Variants in CFAP54 observed in about 807,000 individuals in gnomAD.
The protein encoded by CFAP54 is cilia- and flagella-associated protein 54.
A neutral mutation model predicts 370.4 loss-of-function variants in CFAP54; 290 were observed. The observed-to-expected ratio is 0.78, with a 90% CI of 0.71 to 0.86. The LOEUF (loss-of-function observed/expected upper bound fraction) is 0.86. CFAP54 is among the 40% of genes least tolerant of loss of function. The pLI is 0.00. For missense variants in CFAP54, 3,399 were observed against 3,528.7 expected (o/e 0.96, Z 0.93); for synonymous variants, 1,206 against 1,236.5 (o/e 0.98, Z 0.52).
chr12:96,601,412 A>G (rs980612678), intron 26 of CFAP54, among the ~76,000 whole-genome samples: 2 of 152,202 alleles, frequency 1.3e-5, no homozygotes, highest in Non-Finnish European at 2.9e-5. Context: ...ATGGCCTGAA[A>G]TTCTCTTTTT....
intron 63 of CFAP54, among the ~76,000 whole-genome samples, chr12:96,803,337 C>A (rs1958842476): frequency 6.6e-6 from 1 of 152,068 alleles, no homozygotes; most frequent in African/African-American, 2.4e-5. Context: ...CTGTTGTTTC[C>A]TGACTTTTTG....
chr12:96,684,648 A>T lies in CFAP54; in HGVS notation c.5717A>T (p.Asp1906Val), dbSNP rs903537506. ...LLSLFLAQTQ[D>V]VLQASNQRSL... is the part of the protein sequence containing the mutation. The stretch of plus-strand genomic sequence containing the variant: ...TTCTTTTACTTGATTAAAAATATAG[A>T]TGTTCTCCAAGCCAGCAATCAAAGA... Residue 1906 changes from aspartate to valine, a missense_variant and splice_region_variant, in exon 41 of 68, where the codon GAT becomes GTT. Coordinates refer to ENST00000524981, the MANE Select transcript of CFAP54 (RefSeq NM_001306084.2). The T allele has an allele frequency of 1.2e-6, 2 of 1,606,486 alleles. No individual in the cohort carries two copies. Among genetic ancestry groups the T allele is most frequent in the East Asian group, 2.2e-5 (1 of 44,834 alleles).
At chr12:96,600,464 T>C (rs1012138247) in intron 26 of CFAP54, among the ~76,000 whole-genome samples, 2 of 152,238 alleles carry the variant, frequency 1.3e-5, no homozygotes, top group African/African-American at 2.4e-5. Context: ...GTCTTGGCTA[T>C]GTGGACTCTT....
chr12:96,540,903 G>T lies in CFAP54; in HGVS notation c.1993G>T (p.Val665Leu). 1 of 1,519,582 alleles carries T rather than the reference G, an allele frequency of 6.6e-7. No homozygotes were observed. The highest frequency in any genetic ancestry group is 8.8e-7 in the Non-Finnish European group (1 of 1,139,532). The allele number at this position is 1,519,582 out of a possible 1,614,324, so 94.1% of individuals were successfully genotyped here. ...CTATAAAATGGAAGACATTGACATTGTGGTAGTGGCAGAAGTCACATTACG... is the reference window on the plus strand; with the variant it reads ...CTATAAAATGGAAGACATTGACATTTTGGTAGTGGCAGAAGTCACATTACG... ...HCYKMEDIDI[V>L]VVAEVTLRLS... The change falls in exon 14 of 68, where the codon GTG (valine) becomes TTG (leucine). Residue 665 changes from valine (V) to leucine (L), a missense_variant. Transcript: ENST00000524981.
intron 32 of CFAP54, among the ~76,000 whole-genome samples, chr12:96,641,341 T>C (rs1011638784): frequency 9.9e-5 from 15 of 152,214 alleles, no homozygotes; most frequent in African/African-American, 3.6e-4. Flanking sequence ...TCATCATCAC[T>C]AGCCATCAGA....
At position 96,673,551 on chromosome 12, in the gene CFAP54, G is replaced by C. The variant is rs78297925; in HGVS notation, c.5564-6049G>C. Among the ~76,000 whole-genome samples, 636 of 152,212 alleles carry C rather than the reference G, an allele frequency of 4.2e-3. 5 individuals are homozygous for C. Among genetic ancestry groups the C allele is most frequent in the African/African-American group, 0.015 (607 of 41,542 alleles). On this transcript the variant is annotated intron_variant, in intron 39 of 67. Transcript: ENST00000524981. ...TAAGATTTTAGGACCTCTGTTATTG[G>C]GAATGTTTTTTGGTCTATGCTCTTG...
chr12:96,636,466 C>T (rs1956665330), intron 32 of CFAP54, among the ~76,000 whole-genome samples: 1 of 152,140 alleles, frequency 6.6e-6, no homozygotes, highest in African/African-American at 2.4e-5. Context: ...TCTATAGTTA[C>T]ATCCTGTGTT....
intron 38 of CFAP54, among the ~76,000 whole-genome samples, chr12:96,661,976 GC>G (rs1956999633): frequency 6.6e-6 from 1 of 152,106 alleles, no homozygotes; most frequent in Non-Finnish European, 1.5e-5. Flanking sequence ...AGACATCCCT[GC>G]CTCCTCTCTT....
At chr12:96,618,044 C>T (rs1261120536) in intron 26 of CFAP54, among the ~76,000 whole-genome samples, 2 of 151,600 alleles carry the variant, frequency 1.3e-5, no homozygotes, top group Non-Finnish European at 2.9e-5. Flanking sequence ...CCAAAAAGCT[C>T]TTCCATCAAT....
intron 6 of CFAP54, 58 bp from the exon 7 acceptor site, chr12:96,521,799 A>G (rs1353308188): frequency 7.9e-7 from 1 of 1,263,798 alleles, no homozygotes; most frequent in Non-Finnish European, 1.1e-6. Context: ...CATTGTCTTT[A>G]TACATTTTAA....
chr12:96,668,604 G>T (rs1957107411), intron 39 of CFAP54, among the ~76,000 whole-genome samples: 1 of 152,184 alleles, frequency 6.6e-6, no homozygotes, highest in Non-Finnish European at 1.5e-5. Context: ...GACACATGGG[G>T]ATTATGGGAG....
chr12:96,786,103 C>T (rs1296793539), intron 61 of CFAP54, among the ~76,000 whole-genome samples: 2 of 152,122 alleles, frequency 1.3e-5, no homozygotes, highest in African/African-American at 4.8e-5. Context: ...TAGGGGGAAC[C>T]CAAAAGAAAA....
intron 48 of CFAP54, 48 bp from the exon 49 acceptor site, chr12:96,718,395 A>G (rs781208265): frequency 1.1e-6 from 1 of 897,084 alleles, no homozygotes; most frequent in Non-Finnish European, 1.8e-6. Flanking sequence ...TAATATTTAA[A>G]CTAACCATAG....
chr12:96,769,377 T>C (rs1958433979), intron 60 of CFAP54, among the ~76,000 whole-genome samples: 1 of 152,186 alleles, frequency 6.6e-6, no homozygotes, highest in Admixed American at 6.5e-5. Flanking sequence ...TGTCAGTGAA[T>C]GTTAGGTCCA....
At chr12:96,533,492 G>A (rs1201381227) in intron 9 of CFAP54, among the ~76,000 whole-genome samples, 1 of 152,108 alleles carries the variant, frequency 6.6e-6, no homozygotes, top group East Asian at 1.9e-4. Context: ...TCTTTCCCAA[G>A]TTTCCAACCT....
intron 9 of CFAP54, among the ~76,000 whole-genome samples, chr12:96,528,938 T>G (rs1288493413): frequency 6.6e-6 from 1 of 152,242 alleles, no homozygotes; most frequent in Non-Finnish European, 1.5e-5. Context: ...AATTCAGCTT[T>G]AGCTATGTAT....
chr12:96,567,525 C>T (rs751379662), intron 19 of CFAP54, among the ~76,000 whole-genome samples: 1 of 151,990 alleles, frequency 6.6e-6, no homozygotes, highest in South Asian at 2.1e-4. Context: ...TGGAAGACTT[C>T]GGGGTTGTGT....
At position 96,786,682 on chromosome 12, in the gene CFAP54, A is replaced by G. The variant is rs750996434; in HGVS notation, c.8463A>G (p.Ala2821=). The G allele has an allele frequency of 4.3e-5, 66 of 1,529,788 alleles. No individual in the cohort carries two copies. In the South Asian group the frequency reaches 6.3e-4, roughly 15 times the overall value. 94.8% of individuals were successfully genotyped at this position (1,529,788 alleles called of 1,614,324 possible). ...INNLSKLLAS[A]TPVSGISLPD... ...GTATTTTTCTTTCTTAAGCATCTGCAACACCAGTATCTGGAATTTCTTTGC... is the reference window on the plus strand; with the variant it reads ...GTATTTTTCTTTCTTAAGCATCTGCGACACCAGTATCTGGAATTTCTTTGC... The change falls in exon 62 of 68, where the codon GCA becomes GCG. Residue 2821 remains alanine, a synonymous_variant. Coordinates refer to ENST00000524981, the MANE Select transcript of CFAP54 (RefSeq NM_001306084.2).
At chr12:96,527,608 C>T (rs1463492985) in intron 9 of CFAP54, among the ~76,000 whole-genome samples, 164 bp downstream of exon 9, 1 of 151,574 alleles carries the variant, frequency 6.6e-6, no homozygotes, top group Non-Finnish European at 1.5e-5. Flanking sequence ...TCTTTGTCAC[C>T]CAGACTGGAG....
Sources: gnomAD v4.1 joint callset for allele counts (sites outside exome capture counted in the v4.1 genomes callset) on GRCh38, gnomAD v4.1.1 for gene constraint, MANE v1.5 for transcripts, NCBI Gene and HGNC (gene_info 2026-07-23, HGNC 2026-07-21) for gene names.